The following N4BP2L1 variants were observed in gnomAD, a reference collection of about 807,000 sequenced individuals.
N4BP2L1 encodes NEDD4-binding protein 2-like 1.
N4BP2L1 carries 12 observed loss-of-function variants against 21.2 expected under a neutral mutation model. The ratio of observed to expected loss-of-function variants is 0.57; its 90% confidence interval spans 0.36 to 0.92. The LOEUF is 0.92. Ranked by LOEUF, N4BP2L1 falls within the 40% of genes least tolerant of loss-of-function variation. The pLI is 0.01. For missense variants in N4BP2L1, 259 were observed against 310.6 expected (o/e 0.83, Z 1.25); for synonymous variants, 104 against 112.8 (o/e 0.92, Z 0.49).
At position 32,403,187 on chromosome 13, in the gene N4BP2L1, C is replaced by T. The variant is rs2137707807; in HGVS notation, c.487G>A (p.Gly163Ser). ...VQELARRNIH[G>S]VSREKIHRMK... ...CGGTGGATTTTTTCTCTTGAGACAC[C>T]ATGAATGTTTCTTCTACATGGAAAA... Residue 163 changes from glycine (G) to serine (S), a missense_variant, in exon 5 of 5, where the codon GGT (glycine) becomes AGT (serine). Gly to Ser is a moderately conservative substitution (Grantham distance 56). Transcript: ENST00000380130. 1.9e-6 allele frequency: 3 copies of T among 1,599,896 alleles called. No homozygotes were observed. In the East Asian group the frequency reaches 6.7e-5, roughly 36 times the overall value.
chr13:32,418,874 G>A (rs546761713), intron 1 of N4BP2L1, among the ~76,000 whole-genome samples: 69 of 152,324 alleles, frequency 4.5e-4, no homozygotes, highest in Admixed American at 1.4e-3. Flanking sequence ...TTTGGAATAG[G>A]TGTATTTACC....
At chr13:32,404,500 T>C (rs2073351343) in intron 3 of N4BP2L1, 103 bp from the exon 4 acceptor site, 2 of 832,328 alleles carry the variant, frequency 2.4e-6, no homozygotes, top group Non-Finnish European at 3.8e-6. Flanking sequence ...CAGAATTCCT[T>C]TTGTTTTACC....
At chr13:32,421,029 C>T (rs1593303099) in intron 1 of N4BP2L1, among the ~76,000 whole-genome samples, 1 of 152,316 alleles carries the variant, frequency 6.6e-6, no homozygotes, top group Non-Finnish European at 1.5e-5. Flanking sequence ...TGTGAATAAT[C>T]TGCCCTTTGG....
chr13:32,414,801 T>C (rs896238183), intron 1 of N4BP2L1, among the ~76,000 whole-genome samples: 1 of 152,226 alleles, frequency 6.6e-6, no homozygotes, highest in Non-Finnish European at 1.5e-5. Flanking sequence ...CTTGGGTTTC[T>C]ACCGTTTGCA....
In N4BP2L1 at chr13:32,427,995, G is replaced by A. The variant is rs1341466166; in HGVS notation, c.88C>T (p.Pro30Ser). 1.9e-6 allele frequency: 3 copies of A among 1,553,720 alleles called. No homozygotes were observed. Among genetic ancestry groups the A allele is most frequent in the Non-Finnish European group, 2.6e-6 (3 of 1,153,196 alleles). The change falls in exon 1 of 5, where the codon CCG (proline) becomes TCG (serine). Residue 30 changes from proline (P) to serine (S), a missense_variant. This residue lies in a region of N4BP2L1 where 60 missense variants were observed against 54.7 expected (regional missense o/e 1.10). Coordinates refer to ENST00000380130, the MANE Select transcript of N4BP2L1 (RefSeq NM_052818.3). ...QQRQRPPRPP[P>S]RGTPPRRHSF... ...TGGCGGCGAGGAGGTGTCCCCCGCG[G>A]GGGCGGCCGGGGCGGCCGCTGCCGC... is the stretch of plus-strand genomic sequence containing the variant.
intron 1 of N4BP2L1, among the ~76,000 whole-genome samples, chr13:32,426,559 C>T (rs984855597): frequency 2.6e-5 from 4 of 152,138 alleles, no homozygotes; most frequent in Admixed American, 6.5e-5. Context: ...TTCTACTCCG[C>T]GAGTCAACCA....
chr13:32,405,904 T>C (rs1446050445), intron 3 of N4BP2L1, among the ~76,000 whole-genome samples: 4 of 131,238 alleles, frequency 3.0e-5, no homozygotes, highest in Non-Finnish European at 6.5e-5. Flanking sequence ...TTTTTTTTTT[T>C]TTTTTTTTTT....
intron 1 of N4BP2L1, among the ~76,000 whole-genome samples, chr13:32,419,715 A>G (rs2074370472): frequency 6.6e-6 from 1 of 152,062 alleles, no homozygotes; most frequent in Admixed American, 6.5e-5. Context: ...CTGAACTGTG[A>G]GTCAATTAAA....
At chr13:32,415,074 T>C (rs2074054228) in intron 1 of N4BP2L1, among the ~76,000 whole-genome samples, 2 of 152,218 alleles carry the variant, frequency 1.3e-5, no homozygotes, top group African/African-American at 4.8e-5. Flanking sequence ...TTCAATAAAA[T>C]TAAAATGTCT....
At chr13:32,427,563 G>C (rs1209997157) in intron 1 of N4BP2L1, among the ~76,000 whole-genome samples, 1 of 152,222 alleles carries the variant, frequency 6.6e-6, no homozygotes, top group East Asian at 1.9e-4. Context: ...GCACGGCGGC[G>C]GGGAAGGGGC....
intron 1 of N4BP2L1, among the ~76,000 whole-genome samples, 194 bp downstream of exon 1, chr13:32,427,710 G>T (rs2074866859): frequency 6.6e-6 from 1 of 152,050 alleles, no homozygotes; most frequent in Non-Finnish European, 1.5e-5. Flanking sequence ...ACGGCCTCAG[G>T]GGTCGAGGGA....
chr13:32,429,550 C>G (rs1386795869), upstream of N4BP2L1, among the ~76,000 whole-genome samples: 1 of 152,242 alleles, frequency 6.6e-6, no homozygotes, highest in Non-Finnish European at 1.5e-5. Context: ...GGCCACTGGT[C>G]ACATGTGGCT....
intron 1 of N4BP2L1, chr13:32,420,286 C>A (rs983453154): frequency 6.6e-6 from 1 of 152,392 alleles, no homozygotes; most frequent in South Asian, 2.1e-4. Flanking sequence ...TTTGTAGGCT[C>A]TCACAGCTGT....
At chr13:32,412,484 C>G (rs1345790363) in intron 1 of N4BP2L1, among the ~76,000 whole-genome samples, 1 of 151,816 alleles carries the variant, frequency 6.6e-6, no homozygotes, top group African/African-American at 2.4e-5. Flanking sequence ...AAACATTAGC[C>G]AGACTGGTGG....
Position 32,402,981 on chromosome 13 carries a change from G to A in N4BP2L1, c.693C>T (p.Ser231=). The A allele has an allele frequency of 1.2e-6, 2 of 1,613,636 alleles. No individual in the cohort carries two copies. Among genetic ancestry groups the A allele is most frequent in the African/African-American group, 1.3e-5 (1 of 75,018 alleles). Reference sequence around the variant, plus strand: ...GACAACCGCCCCTTCTGTGATAGGAGCTCTCATTTGTAAATCCACCGTGGG... The same window carrying A: ...GACAACCGCCCCTTCTGTGATAGGAACTCTCATTTGTAAATCCACCGTGGG... The part of the protein sequence containing the change: ...RRAHGGFTNE[S]SYHRRGGCHH... Residue 231 remains serine (S), a synonymous_variant, in exon 5 of 5, where the codon AGC becomes AGT. Coordinates refer to ENST00000380130, the MANE Select transcript of N4BP2L1 (RefSeq NM_052818.3).
In N4BP2L1 at chr13:32,403,178, T is replaced by C. The variant is rs1324688279; in HGVS notation, c.496A>G (p.Arg166Gly). 3.1e-6 allele frequency: 5 copies of C among 1,606,988 alleles called. No homozygotes were observed. Among genetic ancestry groups the C allele is most frequent in the Non-Finnish European group, 4.3e-6 (5 of 1,175,770 alleles). ...LARRNIHGVS[R>G]EKIHRMKERY... is the part of the protein sequence containing the mutation. ...TCTTTCATTCGGTGGATTTTTTCTCTTGAGACACCATGAATGTTTCTTCTA... is the reference window on the plus strand; with the variant it reads ...TCTTTCATTCGGTGGATTTTTTCTCCTGAGACACCATGAATGTTTCTTCTA... The change falls in exon 5 of 5, where the codon AGA (arginine) becomes GGA (glycine). Residue 166 changes from arginine (R) to glycine (G), a missense_variant. By Grantham distance (125) the Arg-to-Gly change is moderately radical (BLOSUM62 -2). Around this residue, in one of 3 missense-constraint regions of N4BP2L1, gnomAD observed 108 missense variants for 107.8 expected, o/e 1.00. Transcript: ENST00000380130.
upstream of N4BP2L1, among the ~76,000 whole-genome samples, chr13:32,429,279 G>C (rs988114640): frequency 2.0e-5 from 3 of 152,198 alleles, no homozygotes; most frequent in African/African-American, 7.2e-5. Context: ...CTCTAGGGAT[G>C]GGATAGGGCG....
chr13:32,427,487 C>T (rs1278406573), intron 1 of N4BP2L1, among the ~76,000 whole-genome samples: 2 of 152,228 alleles, frequency 1.3e-5, no homozygotes, highest in Non-Finnish European at 2.9e-5. Flanking sequence ...AAGAGTCCCT[C>T]CCGACCTGGG....
intron 1 of N4BP2L1, among the ~76,000 whole-genome samples, chr13:32,415,706 A>C (rs1451008964): frequency 6.6e-6 from 1 of 152,186 alleles, no homozygotes; most frequent in African/African-American, 2.4e-5. Context: ...CATAGAGAGG[A>C]ATTTTTTAGA....
Sources: gnomAD v4.1 joint callset for allele counts (sites outside exome capture counted in the v4.1 genomes callset) on GRCh38, gnomAD v4.1.1 for gene constraint, gnomAD v4.1.1 regional missense constraint, MANE v1.5 for transcripts, NCBI Gene and HGNC (gene_info 2026-07-23, HGNC 2026-07-21) for gene names.